OSBPL2: variants seen among roughly 807,000 people sequenced by gnomAD.
OSBPL2 encodes oxysterol binding protein like 2.
A neutral mutation model predicts 58.4 loss-of-function variants in OSBPL2; 18 were observed. The ratio of observed to expected loss-of-function variants is 0.31; its 90% CI spans 0.21 to 0.46. OSBPL2 has a LOEUF of 0.46. Among genes scored for constraint, OSBPL2 ranks in the 20% least tolerant of loss-of-function variants. OSBPL2 has a pLI of 1.00. For missense variants in OSBPL2, 461 were observed against 616.5 expected, an observed-to-expected ratio of 0.75 and a Z score of 2.67; for synonymous variants, 221 against 234.1, an observed-to-expected ratio of 0.94 and a Z score of 0.51.
In OSBPL2 at chr20:62,269,295, T is replaced by G. The variant is rs1981897229; in HGVS notation, c.259-2830T>G. On this transcript the variant is annotated intron_variant, in intron 4 of 13. Coordinates refer to ENST00000313733, the MANE Select transcript of OSBPL2 (RefSeq NM_144498.4). The surrounding 1 kb of genome is among the most constrained non-coding windows in gnomAD (Gnocchi z 4.2). ...CCTGTTGTTGGACATACGGGTCATT[T>G]CTGATCTTTCATGGATCCAGCCGTG... Among the ~76,000 whole-genome samples the G allele has an allele frequency of 6.6e-6, 1 of 152,176 alleles. No homozygotes were observed. Among genetic ancestry groups the G allele is most frequent in the East Asian group, 1.9e-4 (1 of 5,198 alleles).
At chr20:62,246,151 C>T (rs146037188) in intron 1 of OSBPL2, among the ~76,000 whole-genome samples, 822 of 152,398 alleles carry the variant, frequency 5.4e-3, no homozygotes, top group Non-Finnish European at 7.2e-3. Context: ...CCGCCTCCAT[C>T]TTCCTCCACC....
At chr20:62,266,514 G>C (rs1981670626) in intron 4 of OSBPL2, among the ~76,000 whole-genome samples, 1 of 152,038 alleles carries the variant, frequency 6.6e-6, no homozygotes, top group Non-Finnish European at 1.5e-5. Context: ...GCAGTGATTG[G>C]CTGTGGCTCG....
chr20:62,266,659 T>G (rs1981684874), intron 4 of OSBPL2, among the ~76,000 whole-genome samples: 2 of 152,212 alleles, frequency 1.3e-5, no homozygotes, highest in Admixed American at 6.5e-5. Context: ...TTCTGTTTGG[T>G]CCACACCCCC....
chr20:62,256,017 C>A, intron 1 of OSBPL2, 40 bp from the exon 2 acceptor site: 1 of 601,108 alleles, frequency 1.7e-6, no homozygotes. Context: ...AACCGTGAAA[C>A]TTCTGGAAGC....
rs1176021984 is a variant in OSBPL2, at chr20:62,281,074, A to T, written c.691A>T (p.Thr231Ser). ...LELLKHNEAY[T>S]WTNPTCCVHN... ...TCTTCACAGACATAATGAAGCCTAC[A>T]CCTGGACCAACCCCACCTGCTGCGT... is the stretch of plus-strand genomic sequence containing the variant. The change falls in exon 8 of 14, where the codon ACC (threonine) becomes TCC (serine). Residue 231 changes from threonine to serine, a missense_variant. By Grantham distance (58) the Thr-to-Ser change is moderately conservative. Coordinates refer to ENST00000313733, the MANE Select transcript of OSBPL2 (RefSeq NM_144498.4). 3 of 1,613,816 alleles carry T rather than the reference A, an allele frequency of 1.9e-6. No homozygotes were observed. The highest frequency in any genetic ancestry group is 2.2e-5 in the South Asian group (2 of 91,086).
At chr20:62,279,644 G>T in intron 7 of OSBPL2, 1 of 442,620 alleles carries the variant, frequency 2.3e-6, no homozygotes, top group Non-Finnish European at 4.1e-6. Flanking sequence ...CCCGCTTTCC[G>T]GCATCATTCA....
rs1982693367 is a variant in OSBPL2 at position 62,280,216 on chromosome 20, G to A, written c.675-842G>A. The A allele has an allele frequency of 4.5e-6, 4 of 889,200 alleles. No homozygotes were observed. In the South Asian group the frequency reaches 6.4e-5, roughly 14 times the overall value. 55.1% of individuals were successfully genotyped at this position (889,200 alleles called of 1,614,324 possible). Reference sequence around the variant, plus strand: ...ATAAGTAATAAACGACACCTTGCCTGATGAAGCATTTGATTTGGGTTTTGC... The same window carrying A: ...ATAAGTAATAAACGACACCTTGCCTAATGAAGCATTTGATTTGGGTTTTGC... On this transcript the variant is annotated intron_variant, in intron 7 of 13. Coordinates refer to ENST00000313733, the MANE Select transcript of OSBPL2 (RefSeq NM_144498.4).
chr20:62,242,379 C>T (rs1057120362), intron 1 of OSBPL2: 10 of 152,248 alleles, frequency 6.6e-5, no homozygotes, highest in Admixed American at 3.9e-4. Context: ...ATTCTTTCCG[C>T]TGGAGCTTCT....
chr20:62,246,789 C>T (rs547310565), intron 1 of OSBPL2, among the ~76,000 whole-genome samples: 5 of 152,354 alleles, frequency 3.3e-5, no homozygotes, highest in African/African-American at 1.2e-4. Context: ...GTTCATGTCA[C>T]AGCAGGCTTT....
intron 4 of OSBPL2, among the ~76,000 whole-genome samples, chr20:62,265,361 G>A (rs541300570): frequency 6.6e-6 from 1 of 152,284 alleles, no homozygotes; most frequent in African/African-American, 2.4e-5. Flanking sequence ...TACCTTTGGT[G>A]TTGAGAGTTC....
chr20:62,286,828 G>C lies in OSBPL2; in HGVS notation c.1125+117G>C, dbSNP rs953593928. On this transcript the variant is annotated intron_variant, in intron 11 of 13. Transcript: ENST00000313733. ...CTTGCCTGCCGCCTCGCCTCAGCCTGTTGTCCCAGAGCAGACAGGGGCCTC... is the reference window on the plus strand; with the variant it reads ...CTTGCCTGCCGCCTCGCCTCAGCCTCTTGTCCCAGAGCAGACAGGGGCCTC... The C allele has an allele frequency of 5.6e-6, 7 of 1,259,722 alleles. No individual in the cohort carries two copies. In the South Asian group the frequency reaches 8.5e-5, roughly 15 times the overall value. 78.0% of individuals were successfully genotyped at this position (1,259,722 alleles called of 1,614,324 possible). A position where few individuals can be genotyped will look rare whatever the true frequency, so the allele number is the denominator to read the frequency against.
intron 5 of OSBPL2, among the ~76,000 whole-genome samples, 156 bp from the exon 6 acceptor site, chr20:62,273,153 C>G (rs1982174097): frequency 6.6e-6 from 1 of 151,542 alleles, no homozygotes; most frequent in African/African-American, 2.4e-5. Context: ...CCTGGAAGTC[C>G]TATAATCTCA....
chr20:62,283,978 T>C, intron 9 of OSBPL2, 68 bp from the exon 10 acceptor site: 1 of 1,453,426 alleles, frequency 6.9e-7, no homozygotes, highest in Non-Finnish European at 9.5e-7. Flanking sequence ...TATTCCAGGG[T>C]GCCACATGTT....
chr20:62,260,308 C>CT (rs1981214499), intron 3 of OSBPL2, among the ~76,000 whole-genome samples, 183 bp downstream of exon 3: 1 of 152,200 alleles, frequency 6.6e-6, no homozygotes, highest in African/African-American at 2.4e-5. Context: ...CTCCATGCCT[C>CT]TCTTGGCTCC....
intron 13 of OSBPL2, 103 bp from the exon 14 acceptor site, chr20:62,293,682 G>T (rs1026494742): frequency 1.0e-6 from 1 of 956,508 alleles, no homozygotes; most frequent in Non-Finnish European, 1.5e-6. Context: ...CCACGTTACC[G>T]TGATGGTGCT....
At chr20:62,266,735 T>C (rs6089711) in intron 4 of OSBPL2, among the ~76,000 whole-genome samples, 147,828 of 152,336 alleles carry the variant, frequency 0.97, 71,866 homozygotes, top group Middle Eastern at 1. Context: ...ATATTTCTTA[T>C]GTATATTTAA....
chr20:62,290,886 C>T (rs1259914732), intron 12 of OSBPL2, among the ~76,000 whole-genome samples: 4 of 151,160 alleles, frequency 2.6e-5, no homozygotes, highest in Non-Finnish European at 5.9e-5. Flanking sequence ...TACAGGTGCC[C>T]GCCACCACAC....
intron 2 of OSBPL2, among the ~76,000 whole-genome samples, chr20:62,257,450 T>C (rs1981001341): frequency 6.6e-6 from 1 of 152,246 alleles, no homozygotes; most frequent in South Asian, 2.1e-4. Context: ...AGCTGAATTA[T>C]CTGCAGCGTG....
intron 1 of OSBPL2, among the ~76,000 whole-genome samples, chr20:62,244,539 G>C (rs1024811978): frequency 9.2e-5 from 14 of 152,372 alleles, no homozygotes; most frequent in African/African-American, 3.1e-4. Flanking sequence ...TTATTGTGTT[G>C]CATAAGGAGA....
Sources: allele counts gnomAD v4.1 joint callset (sites outside exome capture counted in the v4.1 genomes callset), GRCh38; gene constraint gnomAD v4.1.1; non-coding constraint Gnocchi (gnomAD v3.1); transcripts MANE v1.5; gene names NCBI Gene and HGNC (gene_info 2026-07-23, HGNC 2026-07-21).